SLC36A4: variants seen among roughly 807,000 people sequenced by gnomAD.
SLC36A4 encodes the protein neutral amino acid uniporter 4.
Under a neutral mutation model 50.5 loss-of-function variants are expected in SLC36A4, and 49 were observed. The observed-to-expected ratio is 0.97, with a 90% CI of 0.77 to 1.23. The LOEUF is 1.23. SLC36A4 is among the 50% of genes most tolerant of loss of function. SLC36A4 has a pLI of 0.00. For synonymous variants in SLC36A4, 207 were observed against 206.5 expected (o/e 1.00, Z -0.02); for missense variants, 611 against 608.4 (o/e 1.00, Z -0.05).
Position 93,162,776 on chromosome 11 carries a change from T to G in SLC36A4, c.967A>C (p.Thr323Pro). The stretch of plus-strand genomic sequence containing the variant: ...TCATGGAAACACATATATCCTAAAG[T>G]AGCTAATGTTACATACAAAGTTGTA... ...IVTTLYVTLA[T>P]LGYMCFHDEI... Residue 323 changes from threonine to proline, a missense_variant, in exon 9 of 11, where the codon ACT (threonine) becomes CCT (proline). Thr to Pro is a conservative substitution (Grantham distance 38). Coordinates refer to ENST00000326402, the MANE Select transcript of SLC36A4 (RefSeq NM_152313.4). 6.2e-7 allele frequency: 1 copy of G among 1,613,566 alleles called. No homozygotes were observed. The highest frequency in any genetic ancestry group is 8.5e-7 in the Non-Finnish European group (1 of 1,179,690).
intron 1 of SLC36A4, 78 bp downstream of exon 1, chr11:93,197,700 G>A: frequency 6.8e-7 from 1 of 1,465,808 alleles, no homozygotes; most frequent in Admixed American, 1.9e-5. Context: ...GGGGCCCCTG[G>A]AGGTGTGGGC....
At chr11:93,173,191 G>A (rs1274131368) in intron 6 of SLC36A4, among the ~76,000 whole-genome samples, 1 of 147,716 alleles carries the variant, frequency 6.8e-6, no homozygotes, top group Non-Finnish European at 1.5e-5. Flanking sequence ...TTTCTCTGAT[G>A]GCCAGTGATG....
At chr11:93,182,695 A>T (rs1350436709) in intron 4 of SLC36A4, 111 bp downstream of exon 4, 1 of 609,742 alleles carries the variant, frequency 1.6e-6, no homozygotes, top group Non-Finnish European at 2.8e-6. Flanking sequence ...CCTTAGATTT[A>T]TCTACGTAAA....
intron 9 of SLC36A4, among the ~76,000 whole-genome samples, chr11:93,156,177 A>G (rs907548593): frequency 6.6e-6 from 1 of 152,162 alleles, no homozygotes; most frequent in African/African-American, 2.4e-5. Context: ...GTCTTGAACT[A>G]ACTTATACTC....
intron 3 of SLC36A4, among the ~76,000 whole-genome samples, chr11:93,183,414 T>C (rs1409696878): frequency 6.6e-6 from 1 of 152,182 alleles, no homozygotes; most frequent in Non-Finnish European, 1.5e-5. Context: ...AAAGCAATGC[T>C]AGTAATTACC....
intron 9 of SLC36A4, chr11:93,160,693 T>A: frequency 3.0e-6 from 3 of 985,370 alleles, no homozygotes; most frequent in Non-Finnish European, 3.6e-6. Context: ...CTTTGGAAAC[T>A]TCCCCCCTAA....
chr11:93,166,368 C>G (rs1860866064), intron 7 of SLC36A4: 1 of 1,001,380 alleles, frequency 1.0e-6, no homozygotes, highest in Non-Finnish European at 1.2e-6. Flanking sequence ...GCCATATAGT[C>G]AAGTTATCAA....
At chr11:93,190,831 A>G (rs55913001) in intron 1 of SLC36A4, among the ~76,000 whole-genome samples, 19,349 of 152,110 alleles carry the variant, frequency 0.13, 1,425 homozygotes, top group Non-Finnish European at 0.16. Flanking sequence ...CTCCCAGTAA[A>G]TACATTTTTC....
intron 2 of SLC36A4, 87 bp downstream of exon 2, chr11:93,185,604 T>C: frequency 2.5e-6 from 3 of 1,221,100 alleles, no homozygotes; most frequent in Non-Finnish European, 3.4e-6. Flanking sequence ...TGTCTTGTAA[T>C]GTAATAGAAT....
intron 9 of SLC36A4, among the ~76,000 whole-genome samples, chr11:93,161,065 T>G (rs1240352759): frequency 6.6e-6 from 1 of 152,034 alleles, no homozygotes; most frequent in East Asian, 1.9e-4. Context: ...GTCTCAAACT[T>G]CTGGCCTCAA....
chr11:93,194,341 A>AT (rs1862334463), intron 1 of SLC36A4, among the ~76,000 whole-genome samples: 1 of 151,072 alleles, frequency 6.6e-6, no homozygotes, highest in Non-Finnish European at 1.5e-5. Context: ...AAATAGTTTC[A>AT]TTTTTTAAAA....
intron 1 of SLC36A4, among the ~76,000 whole-genome samples, chr11:93,196,800 C>T (rs539702545): frequency 2.0e-5 from 3 of 152,272 alleles, no homozygotes; most frequent in South Asian, 4.1e-4. Context: ...TGGGTTCTGC[C>T]ATTAATAAGC....
chr11:93,146,291 G>A lies in SLC36A4; in HGVS notation c.*2246C>T, dbSNP rs1859842592. The stretch of plus-strand genomic sequence containing the variant: ...GACTAGAAATATTATCTGAAAACAG[G>A]TGACAAAAATCTAATGCTGCTTCCT... On this transcript the variant is annotated 3_prime_UTR_variant, in exon 11 of 11. Coordinates refer to ENST00000326402, the MANE Select transcript of SLC36A4 (RefSeq NM_152313.4). 1 of 151,868 alleles carries A rather than the reference G, an allele frequency of 6.6e-6. No homozygotes were observed. The highest frequency in any genetic ancestry group is 1.5e-5 in the Non-Finnish European group (1 of 67,920). The allele number at this position is 151,868 out of a possible 1,614,324, so 9.4% of individuals were successfully genotyped here.
chr11:93,182,636 C>T (rs377230376), intron 4 of SLC36A4, among the ~76,000 whole-genome samples, 170 bp downstream of exon 4: 2 of 152,022 alleles, frequency 1.3e-5, no homozygotes, highest in South Asian at 4.1e-4. Context: ...TAAATAGATT[C>T]CAACCAGATT....
At chr11:93,163,523 T>C (rs1289106253) in intron 8 of SLC36A4, among the ~76,000 whole-genome samples, 1 of 152,202 alleles carries the variant, frequency 6.6e-6, no homozygotes, top group Non-Finnish European at 1.5e-5. Context: ...TTGTAGGTTT[T>C]AGAGAAGGAT....
intron 9 of SLC36A4, chr11:93,160,033 G>C (rs1860549167): frequency 6.1e-6 from 6 of 985,290 alleles, no homozygotes; most frequent in Admixed American, 1.2e-4. Flanking sequence ...GCACAGGAAA[G>C]AAGTGAAAGA....
intron 9 of SLC36A4, chr11:93,154,784 G>A (rs993502076): frequency 2.6e-5 from 4 of 151,984 alleles, no homozygotes; most frequent in Non-Finnish European, 5.9e-5. Context: ...ACATCTAAAC[G>A]GTTTCAACTT....
chr11:93,145,590 G>C lies in SLC36A4; in HGVS notation c.*2947C>G, dbSNP rs911548758. ...AACAGTGATTAACTGACTTGGAACG[G>C]AGCTCATTAGAGGTAAATAAAGCTT... On this transcript the variant is annotated 3_prime_UTR_variant, in exon 11 of 11. Transcript: ENST00000326402. 1 of 152,024 alleles carries C rather than the reference G, an allele frequency of 6.6e-6. No individual in the cohort carries two copies. Among genetic ancestry groups the C allele is most frequent in the African/African-American group, 2.4e-5 (1 of 41,418 alleles). The allele number at this position is 152,024 out of a possible 1,614,324, so 9.4% of individuals were successfully genotyped here.
chr11:93,182,956 C>G, intron 3 of SLC36A4, 62 bp from the exon 4 acceptor site: 1 of 1,123,748 alleles, frequency 8.9e-7, no homozygotes, highest in Non-Finnish European at 1.3e-6. Context: ...ATCTTATAAG[C>G]AATGAATCAA....
Sources: allele counts gnomAD v4.1 joint callset (sites outside exome capture counted in the v4.1 genomes callset), GRCh38; gene constraint gnomAD v4.1.1; transcripts MANE v1.5; gene names NCBI Gene and HGNC (gene_info 2026-07-23, HGNC 2026-07-21).